TTC23: variants seen among roughly 807,000 people sequenced by gnomAD.
The protein encoded by TTC23 is tetratricopeptide repeat domain 23.
Under a neutral mutation model 55.1 loss-of-function variants are expected in TTC23, and 58 were observed. The observed-to-expected ratio is 1.05, with a 90% CI of 0.85 to 1.31. TTC23 has a LOEUF of 1.31. Ranked by LOEUF, TTC23 falls within the 50% of genes most tolerant of loss-of-function variation. The pLI is 0.00. For synonymous variants in TTC23, 203 were observed against 199.9 expected (o/e 1.02, Z -0.13); for missense variants, 516 against 534.4 (o/e 0.97, Z 0.34).
intron 5 of TTC23, among the ~76,000 whole-genome samples, chr15:99,225,089 T>A (rs1219924336): frequency 6.6e-6 from 1 of 152,192 alleles, no homozygotes; most frequent in African/African-American, 2.4e-5. Context: ...AGTGAATCTG[T>A]CCCAACTACA....
chr15:99,166,795 G>A (rs1015584683), intron 10 of TTC23, among the ~76,000 whole-genome samples: 15 of 152,176 alleles, frequency 9.9e-5, no homozygotes, highest in East Asian at 7.7e-4. Flanking sequence ...GTTCCCAGAC[G>A]GATGTTGTCA....
intron 9 of TTC23, among the ~76,000 whole-genome samples, chr15:99,195,384 C>T (rs2075609414): frequency 3.9e-5 from 6 of 152,208 alleles, no homozygotes; most frequent in Admixed American, 3.9e-4. Context: ...GATACCACTA[C>T]ACACCTATTA....
Position 99,139,331 on chromosome 15 carries a change from C to T in TTC23, c.1212G>A (p.Met404Ile), listed in dbSNP as rs370591132. The T allele has an allele frequency of 5.6e-6, 9 of 1,613,226 alleles. No homozygotes were observed. In the South Asian group the frequency reaches 9.9e-5, roughly 18 times the overall value. ...DKRTLATQQA[M>I]GMLSTAPKVA... ...CGCCAACTCACGTGGACAGCATGCC[C>T]ATGGCCTGCTGGGTGGCCAGAGTCC... The change falls in exon 13 of 14, where the codon ATG becomes ATA. Residue 404 changes from methionine (M) to isoleucine (I), a missense_variant. Coordinates refer to ENST00000394132, the MANE Select transcript of TTC23 (RefSeq NM_001288615.3).
chr15:99,190,109 G>A (rs2075101561), intron 9 of TTC23, among the ~76,000 whole-genome samples: 1 of 152,108 alleles, frequency 6.6e-6, no homozygotes, highest in Non-Finnish European at 1.5e-5. Context: ...TGACCTGGGA[G>A]GGCGAGGCTG....
intron 10 of TTC23, 87 bp downstream of exon 10, chr15:99,174,963 T>C: frequency 8.8e-7 from 1 of 1,131,556 alleles, no homozygotes; most frequent in Non-Finnish European, 1.3e-6. Flanking sequence ...GTGTCGCGGC[T>C]CTGTCCACCT....
At chr15:99,169,714 G>C (rs138007851) in intron 10 of TTC23, among the ~76,000 whole-genome samples, 3 of 152,322 alleles carry the variant, frequency 2.0e-5, no homozygotes, top group African/African-American at 7.2e-5. Flanking sequence ...ACTAGCTTCC[G>C]ATACTGACAT....
chr15:99,139,557 GT>G (rs1555489176), intron 12 of TTC23, 158 bp from the exon 13 acceptor site: 1 of 1,545,964 alleles, frequency 6.5e-7, no homozygotes. Flanking sequence ...CTGACCTTTG[GT>G]TTGGATGTTC....
chr15:99,183,382 T>A (rs2074339846), intron 9 of TTC23, among the ~76,000 whole-genome samples: 1 of 150,616 alleles, frequency 6.6e-6, no homozygotes, highest in African/African-American at 2.4e-5. Flanking sequence ...AGTGCAGTGG[T>A]GCGATCTCGA....
intron 3 of TTC23, among the ~76,000 whole-genome samples, chr15:99,235,724 C>T (rs554507246): frequency 4.6e-5 from 7 of 152,314 alleles, no homozygotes; most frequent in East Asian, 1.9e-4. Context: ...ATTCACATTG[C>T]TGTACAACCA....
intron 9 of TTC23, among the ~76,000 whole-genome samples, chr15:99,198,082 CAT>C (rs931758206): frequency 2.6e-5 from 4 of 152,138 alleles, no homozygotes; most frequent in African/African-American, 9.7e-5. Context: ...TTTCTCTCTC[CAT>C]CAACTCTCCC....
At chr15:99,138,151 T>C (rs1555488164) in intron 13 of TTC23, 24 bp from the exon 14 acceptor site, 1 of 1,610,634 alleles carries the variant, frequency 6.2e-7, no homozygotes. Flanking sequence ...GAGGGTGGGG[T>C]GAGTGTGGTG....
chr15:99,236,347 T>C (rs1007857772), intron 3 of TTC23, among the ~76,000 whole-genome samples: 19 of 152,140 alleles, frequency 1.2e-4, no homozygotes, highest in Admixed American at 6.5e-5. Context: ...TGAAGTGATA[T>C]CTCATGGTGG....
intron 9 of TTC23, among the ~76,000 whole-genome samples, chr15:99,198,371 C>T (rs2075919212): frequency 6.6e-6 from 1 of 152,162 alleles, no homozygotes; most frequent in African/African-American, 2.4e-5. Flanking sequence ...CCTTCTTTCC[C>T]CCACATCCAA....
chr15:99,243,546 T>C (rs1487060627), intron 2 of TTC23, among the ~76,000 whole-genome samples: 5 of 152,218 alleles, frequency 3.3e-5, no homozygotes, highest in Admixed American at 3.3e-4. Context: ...CTCCCATGTG[T>C]ACTGCAGCTC....
chr15:99,235,529 C>A (rs1039836911), intron 3 of TTC23, among the ~76,000 whole-genome samples: 1 of 151,978 alleles, frequency 6.6e-6, no homozygotes, highest in African/African-American at 2.4e-5. Flanking sequence ...CACCACCACG[C>A]CCAGCTAATT....
At chr15:99,181,656 T>C (rs1222303515) in intron 9 of TTC23, among the ~76,000 whole-genome samples, 2 of 152,192 alleles carry the variant, frequency 1.3e-5, no homozygotes, top group Non-Finnish European at 2.9e-5. Context: ...AGGGTCACGT[T>C]GCAGCCCCGG....
intron 2 of TTC23, among the ~76,000 whole-genome samples, chr15:99,242,822 G>C (rs2079920827): frequency 6.6e-6 from 1 of 152,012 alleles, no homozygotes; most frequent in African/African-American, 2.4e-5. Flanking sequence ...CCTGATAAAA[G>C]GCTGATAAAA....
chr15:99,231,683 A>G (rs1596964038), intron 4 of TTC23, among the ~76,000 whole-genome samples: 1 of 151,542 alleles, frequency 6.6e-6, no homozygotes, highest in South Asian at 2.1e-4. Context: ...TAGTAGAGAT[A>G]GGGTTTCACC....
At chr15:99,225,859 C>T (rs2078360472) in intron 5 of TTC23, among the ~76,000 whole-genome samples, 1 of 152,208 alleles carries the variant, frequency 6.6e-6, no homozygotes. Context: ...ACCTGCCAGA[C>T]AGCACCTTAA....
Sources: allele counts gnomAD v4.1 joint callset (sites outside exome capture counted in the v4.1 genomes callset), GRCh38; gene constraint gnomAD v4.1.1; transcripts MANE v1.5; gene names NCBI Gene and HGNC (gene_info 2026-07-23, HGNC 2026-07-21).